CNTNAP2: variants seen among roughly 807,000 people sequenced by gnomAD.
The protein encoded by CNTNAP2 is contactin associated protein 2, also known as contactin-associated protein-like 2.
In CNTNAP2, 98 loss-of-function variants were observed where a neutral mutation model predicts 155.2. The ratio of observed to expected loss-of-function variants is 0.63; its 90% CI spans 0.54 to 0.75. CNTNAP2 has a LOEUF of 0.75. Among genes scored for constraint, CNTNAP2 ranks in the 30% least tolerant of loss-of-function variants. The pLI is 0.00. For missense variants in CNTNAP2, 1,727 were observed against 1,688.1 expected (o/e 1.02, Z -0.40); for synonymous variants, 651 against 631.2 (o/e 1.03, Z -0.47).
intron 21 of CNTNAP2, among the ~76,000 whole-genome samples, chr7:148,355,951 C>T (rs1047021148): frequency 6.6e-6 from 1 of 152,156 alleles, no homozygotes; most frequent in Non-Finnish European, 1.5e-5. Context: ...ATCTCTAAGC[C>T]CCAGGACAAG....
chr7:146,890,398 A>G (rs2129211327), intron 3 of CNTNAP2, among the ~76,000 whole-genome samples: 1 of 152,342 alleles, frequency 6.6e-6, no homozygotes, highest in Admixed American at 6.5e-5. Flanking sequence ...TGGAGAATCC[A>G]GATCAGGTTT....
chr7:146,771,559 TTTAAG>T (rs1802292993), intron 1 of CNTNAP2, among the ~76,000 whole-genome samples: 1 of 152,188 alleles, frequency 6.6e-6, no homozygotes, highest in South Asian at 2.1e-4. Context: ...TAAAACAAAT[TTTAAG>T]TTCTTTTCAT....
At chr7:147,280,051 G>C (rs1046263665) in intron 8 of CNTNAP2, among the ~76,000 whole-genome samples, 1 of 151,856 alleles carries the variant, frequency 6.6e-6, no homozygotes, top group Admixed American at 6.6e-5. Context: ...CTTTTGTATA[G>C]TACAAATGAT....
chr7:147,367,644 G>C (rs572364757), intron 9 of CNTNAP2, among the ~76,000 whole-genome samples: 1 of 152,210 alleles, frequency 6.6e-6, no homozygotes, highest in South Asian at 2.1e-4. Flanking sequence ...GCAAATGGAA[G>C]AATTTACCAC....
intron 3 of CNTNAP2, among the ~76,000 whole-genome samples, chr7:146,856,382 G>A (rs1308500688): frequency 1.3e-5 from 2 of 152,058 alleles, no homozygotes; most frequent in East Asian, 3.9e-4. Context: ...CAGAAGAGAG[G>A]CCTCTTGCTT....
rs574345588 is a variant in CNTNAP2, at chr7:148,366,008, G to GTA, written c.3476-17640_3476-17639insAT. 1.4e-3 allele frequency among the ~76,000 whole-genome samples: 2 copies of GTA among 1,392 alleles called. 1 individual carries two copies. Among genetic ancestry groups the GTA allele is most frequent in the Non-Finnish European group, 0.04 (2 of 50 alleles). 0.9% of individuals were successfully genotyped at this position (1,392 alleles called of 152,430 possible). ...TACATGTGTGTATGCATGTATGCAT[G>GTA]TGTGTATGCATGTATGCATGTGTGT... On this transcript the variant is annotated intron_variant, in intron 21 of 23. Coordinates refer to ENST00000361727, the MANE Select transcript of CNTNAP2 (RefSeq NM_014141.6).
At chr7:147,282,042 A>T (rs1805047216) in intron 8 of CNTNAP2, among the ~76,000 whole-genome samples, 1 of 151,850 alleles carries the variant, frequency 6.6e-6, no homozygotes, top group East Asian at 1.9e-4. Flanking sequence ...TCTTCTTCAG[A>T]CCAAGAGTGA....
chr7:146,336,630 C>T (rs529948910), intron 1 of CNTNAP2, among the ~76,000 whole-genome samples: 1 of 152,156 alleles, frequency 6.6e-6, no homozygotes, highest in South Asian at 2.1e-4. Context: ...ACAATCTGTA[C>T]ATGATTGTTC....
intron 3 of CNTNAP2, among the ~76,000 whole-genome samples, chr7:146,930,694 T>A (rs1796731037): frequency 6.6e-6 from 1 of 152,048 alleles, no homozygotes; most frequent in Non-Finnish European, 1.5e-5. Flanking sequence ...GAAACCCATC[T>A]CACATGCAGA....
chr7:146,376,207 C>A (rs1240730177), intron 1 of CNTNAP2, among the ~76,000 whole-genome samples: 1 of 152,132 alleles, frequency 6.6e-6, no homozygotes, highest in African/African-American at 2.4e-5. Flanking sequence ...TATCTATAGT[C>A]TTTGCTTTTT....
At chr7:147,625,655 T>A (rs1289598427) in intron 12 of CNTNAP2, among the ~76,000 whole-genome samples, 1 of 152,202 alleles carries the variant, frequency 6.6e-6, no homozygotes, top group Non-Finnish European at 1.5e-5. Context: ...ATAGGGCTAA[T>A]GTGCAGTTCT....
At chr7:147,247,407 A>G (rs1461660345) in intron 8 of CNTNAP2, among the ~76,000 whole-genome samples, 1 of 152,130 alleles carries the variant, frequency 6.6e-6, no homozygotes, top group Non-Finnish European at 1.5e-5. Context: ...TGGCCTAATT[A>G]ATCTCTGTTC....
At chr7:147,762,155 T>TCTCACACA (rs151236161) in intron 13 of CNTNAP2, among the ~76,000 whole-genome samples, 4 of 144,350 alleles carry the variant, frequency 2.8e-5, no homozygotes, top group Admixed American at 7.0e-5. Context: ...TCTCTCTGTC[T>TCTCACACA]CACACACACA....
At chr7:147,197,931 GT>G (rs1056863657) in intron 8 of CNTNAP2, among the ~76,000 whole-genome samples, 35 of 152,078 alleles carry the variant, frequency 2.3e-4, no homozygotes, top group African/African-American at 7.9e-4. Flanking sequence ...TTTGCAGAAA[GT>G]TTTTACTAAG....
At chr7:146,189,282 AT>A (rs1402075583) in intron 1 of CNTNAP2, among the ~76,000 whole-genome samples, 1 of 152,192 alleles carries the variant, frequency 6.6e-6, no homozygotes, top group East Asian at 1.9e-4. Flanking sequence ...TATGCCTTAC[AT>A]TGTGTACATA....
chr7:147,648,530 TG>T (rs1216834431), intron 13 of CNTNAP2, among the ~76,000 whole-genome samples: 1 of 152,218 alleles, frequency 6.6e-6, no homozygotes, highest in Non-Finnish European at 1.5e-5. Flanking sequence ...AGAGTTTTAA[TG>T]GACTCACAGT....
At chr7:147,660,143 T>C (rs1795588248) in intron 13 of CNTNAP2, among the ~76,000 whole-genome samples, 1 of 152,176 alleles carries the variant, frequency 6.6e-6, no homozygotes, top group Admixed American at 6.5e-5. Flanking sequence ...CAAGACAAAC[T>C]CCTAAAAACA....
intron 11 of CNTNAP2, among the ~76,000 whole-genome samples, chr7:147,534,957 G>A (rs968755740): frequency 6.6e-6 from 1 of 152,054 alleles, no homozygotes; most frequent in Non-Finnish European, 1.5e-5. Context: ...CTCAGTGGGC[G>A]CAAGGAAGCT....
At chr7:148,403,537 A>G (rs1386532992) in intron 22 of CNTNAP2, among the ~76,000 whole-genome samples, 1 of 152,194 alleles carries the variant, frequency 6.6e-6, no homozygotes, top group Non-Finnish European at 1.5e-5. Context: ...ACTGTTTCCC[A>G]AAGTATAGGT....
Sources: allele counts gnomAD v4.1 joint callset (sites outside exome capture counted in the v4.1 genomes callset), GRCh38; gene constraint gnomAD v4.1.1; transcripts MANE v1.5; gene names NCBI Gene and HGNC (gene_info 2026-07-23, HGNC 2026-07-21).